The following SV2C variants were observed in gnomAD, a reference collection of about 807,000 sequenced individuals.
SV2C encodes solute carrier family 22 member B3.
A neutral mutation model predicts 79.7 loss-of-function variants in SV2C; 49 were observed. The ratio of observed to expected loss-of-function variants is 0.61; its 90% CI spans 0.49 to 0.78. The LOEUF is 0.78. Ranked by LOEUF, SV2C falls within the 30% of genes least tolerant of loss-of-function variation. The pLI, the probability that SV2C is intolerant of heterozygous loss-of-function variation, is 0.00. For synonymous variants in SV2C, 334 were observed against 333.2 expected, an observed-to-expected ratio of 1.00 and a Z score of -0.03; for missense variants, 833 against 912.9, an observed-to-expected ratio of 0.91 and a Z score of 1.13.
chr5:76,045,787 C>G, the SV2C span, among the ~76,000 whole-genome samples: 1 of 152,138 alleles, frequency 6.6e-6, no homozygotes, highest in Non-Finnish European at 1.5e-5. Context: ...TCAATTGACT[C>G]TCACTTGCAA....
chr5:76,041,683 G>A, the SV2C span, among the ~76,000 whole-genome samples: 1 of 152,044 alleles, frequency 6.6e-6, no homozygotes, highest in Admixed American at 6.6e-5. Flanking sequence ...CTCTAGCCTT[G>A]GTCTGAAGGT....
At chr5:75,955,504 A>C in the SV2C span, among the ~76,000 whole-genome samples, 1 of 149,872 alleles carries the variant, frequency 6.7e-6, no homozygotes. Flanking sequence ...TCATGTCTAA[A>C]ACACCAAAAG....
At chr5:76,006,588 C>T in the SV2C span, among the ~76,000 whole-genome samples, 1 of 151,984 alleles carries the variant, frequency 6.6e-6, no homozygotes, top group Non-Finnish European at 1.5e-5. Context: ...ATGATCTGAC[C>T]CCAGTCTGCC....
At position 76,245,980 on chromosome 5, in the gene SV2C, G is replaced by T. The variant is rs200523034; in HGVS notation, c.913+36093G>T. Among the ~76,000 whole-genome samples, 22 of 148,150 alleles carry T rather than the reference G, an allele frequency of 1.5e-4. No individual in the cohort carries two copies. In the East Asian group the frequency reaches 3.7e-3, roughly 25 times the overall value. On this transcript the variant is annotated intron_variant, in intron 4 of 12. Coordinates refer to ENST00000502798, the MANE Select transcript of SV2C (RefSeq NM_014979.4). ...TGTGTGTGTTAAAGGGTATAAACAG[G>T]ATATAGAAGGTTTTTTTTCCAGCAT...
chr5:76,291,867 T>C lies in SV2C; in HGVS notation c.1337+11T>C, dbSNP rs762790550. 2.1e-5 allele frequency: 33 copies of C among 1,592,836 alleles called. 1 individual carries two copies. The highest frequency in any genetic ancestry group is 3.3e-4 in the Middle Eastern group (2 of 6,044). On this transcript the variant is annotated intron_variant, in intron 8 of 12. Coordinates refer to ENST00000502798, the MANE Select transcript of SV2C (RefSeq NM_014979.4). Reference sequence around the variant, plus strand: ...CACCCTGTCCTTTGGGTAAGTGATATTTAAATTCTTGGCAAGCAAAATCGT... The same window carrying C: ...CACCCTGTCCTTTGGGTAAGTGATACTTAAATTCTTGGCAAGCAAAATCGT...
chr5:76,119,027 T>G (rs1308352290), intron 1 of SV2C, among the ~76,000 whole-genome samples: 1 of 152,214 alleles, frequency 6.6e-6, no homozygotes, highest in Non-Finnish European at 1.5e-5. Flanking sequence ...GTGCTCCTTT[T>G]GACCTCAGGA....
chr5:75,937,360 T>A, the SV2C span, among the ~76,000 whole-genome samples: 1 of 152,160 alleles, frequency 6.6e-6, no homozygotes, highest in Non-Finnish European at 1.5e-5. Flanking sequence ...CTTCCTCTTT[T>A]ACATCTTCAT....
intron 4 of SV2C, among the ~76,000 whole-genome samples, chr5:76,261,217 G>T (rs1346217069): frequency 6.6e-6 from 1 of 152,018 alleles, no homozygotes; most frequent in African/African-American, 2.4e-5. Context: ...GTGAATGGGA[G>T]GTCACTCATG....
chr5:76,010,566 G>A, the SV2C span, among the ~76,000 whole-genome samples: 12 of 151,962 alleles, frequency 7.9e-5, no homozygotes, highest in South Asian at 2.1e-4. Context: ...GTAATGTGCC[G>A]ATCAACTTTT....
At chr5:76,002,170 GTATA>G in the SV2C span, among the ~76,000 whole-genome samples, 72 of 150,376 alleles carry the variant, frequency 4.8e-4, no homozygotes, top group South Asian at 1.7e-3. Context: ...TTTTGTGTGT[GTATA>G]TATATATATA....
the SV2C span, among the ~76,000 whole-genome samples, chr5:76,068,154 CCA>C: frequency 6.6e-6 from 1 of 152,052 alleles, no homozygotes; most frequent in African/African-American, 2.4e-5. Context: ...GGGAATGCCC[CCA>C]GTGTTTGCTT....
At chr5:76,160,413 CA>C (rs1204569593) in intron 2 of SV2C, among the ~76,000 whole-genome samples, 1 of 152,122 alleles carries the variant, frequency 6.6e-6, no homozygotes, top group Non-Finnish European at 1.5e-5. Context: ...ATTGAGAATC[CA>C]GAAATAAACC....
chr5:76,125,684 G>A (rs1304097146), intron 1 of SV2C, among the ~76,000 whole-genome samples: 1 of 152,130 alleles, frequency 6.6e-6, no homozygotes, highest in Non-Finnish European at 1.5e-5. Flanking sequence ...CACCTTGGGG[G>A]ACTACTGATC....
At chr5:76,197,548 C>T (rs1414558312) in intron 3 of SV2C, among the ~76,000 whole-genome samples, 1 of 151,990 alleles carries the variant, frequency 6.6e-6, no homozygotes, top group African/African-American at 2.4e-5. Context: ...TTACCTTAGT[C>T]CAGGTGGCAA....
intron 4 of SV2C, among the ~76,000 whole-genome samples, chr5:76,271,911 G>T (rs887713381): frequency 3.3e-5 from 5 of 152,178 alleles, no homozygotes; most frequent in Admixed American, 3.3e-4. Context: ...CTTGCTTGAG[G>T]CACAAGGACC....
intron 12 of SV2C, among the ~76,000 whole-genome samples, chr5:76,318,051 C>T (rs1019949316): frequency 2.0e-5 from 3 of 151,716 alleles, no homozygotes; most frequent in African/African-American, 7.3e-5. Flanking sequence ...CACAAAGAGG[C>T]TGGATGTGAG....
chr5:76,132,346 C>T lies in SV2C; in HGVS notation c.580+16C>T. The T allele has an allele frequency of 6.3e-7, 1 of 1,586,432 alleles. No homozygotes were observed. The highest frequency in any genetic ancestry group is 8.6e-7 in the Non-Finnish European group (1 of 1,165,088). ...GGATGGCTAGGTGAGTGTGTGGTGT[C>T]AGTGAGGCCAACTCTGAAACTGGCT... On this transcript the variant is annotated intron_variant, in intron 2 of 12. Transcript: ENST00000502798.
the SV2C span, among the ~76,000 whole-genome samples, chr5:76,074,854 C>T: frequency 1.3e-5 from 2 of 152,324 alleles, no homozygotes; most frequent in East Asian, 3.9e-4. Context: ...TGGAATACAA[C>T]AGATGGAGAC....
chr5:76,111,556 T>C (rs10065114), intron 1 of SV2C, among the ~76,000 whole-genome samples: 32,785 of 151,980 alleles, frequency 0.22, 3,747 homozygotes, highest in East Asian at 0.43. Flanking sequence ...TTAGATTCCA[T>C]TGCTGCCGAT....
Sources: allele counts gnomAD v4.1 joint callset (sites outside exome capture counted in the v4.1 genomes callset), GRCh38; gene constraint gnomAD v4.1.1; transcripts MANE v1.5; gene names NCBI Gene and HGNC (gene_info 2026-07-23, HGNC 2026-07-21).